Variants in GRIA1 observed in about 807,000 individuals in gnomAD.
GRIA1 encodes glutamate ionotropic receptor AMPA type subunit 1.
Under a neutral mutation model 99.2 loss-of-function variants are expected in GRIA1, and 31 were observed. The observed-to-expected ratio is 0.31, with a 90% confidence interval of 0.23 to 0.42. The LOEUF (loss-of-function observed/expected upper bound fraction) is 0.42, where lower values mean the gene tolerates loss of function less well. Among genes scored for constraint, GRIA1 ranks in the 10% least tolerant of loss-of-function variants. The probability of loss-of-function intolerance (pLI) is 1.00; values close to 1 mark genes in which losing one functional copy is unlikely to be tolerated. For missense variants in GRIA1, 782 were observed against 1,157.5 expected, an observed-to-expected ratio of 0.68 and a Z score of 4.71; for synonymous variants, 438 against 432.4, an observed-to-expected ratio of 1.01 and a Z score of -0.16.
intron 11 of GRIA1, among the ~76,000 whole-genome samples, chr5:153,709,890 G>A (rs1291423958): frequency 6.6e-6 from 1 of 152,192 alleles, no homozygotes; most frequent in Non-Finnish European, 1.5e-5. Flanking sequence ...AGAGTAGGCA[G>A]GGTAGGAATC....
At chr5:153,619,599 A>C (rs1766838113) in intron 2 of GRIA1, among the ~76,000 whole-genome samples, 1 of 152,138 alleles carries the variant, frequency 6.6e-6, no homozygotes, top group South Asian at 2.1e-4. Context: ...AAGGCTTATA[A>C]AGGCAGCAAG....
chr5:153,519,119 C>A (rs573723028), intron 2 of GRIA1, among the ~76,000 whole-genome samples: 1 of 152,050 alleles, frequency 6.6e-6, no homozygotes, highest in African/African-American at 2.4e-5. Flanking sequence ...AAAAAATTAG[C>A]CGGGCATGAT....
intron 11 of GRIA1, among the ~76,000 whole-genome samples, chr5:153,752,632 G>C (rs1442714379): frequency 1.3e-5 from 2 of 152,160 alleles, no homozygotes; most frequent in East Asian, 1.9e-4. Context: ...ATGGAAGGGA[G>C]AGACCATGGC....
chr5:153,646,686 G>T (rs75367250), intron 2 of GRIA1, among the ~76,000 whole-genome samples: 6,097 of 152,214 alleles, frequency 0.04, 135 homozygotes, highest in Middle Eastern at 0.088. Context: ...GATGAATGAG[G>T]CATCGAACAG....
intron 2 of GRIA1, among the ~76,000 whole-genome samples, chr5:153,629,134 G>T (rs1360937992): frequency 6.6e-6 from 1 of 152,218 alleles, no homozygotes; most frequent in Non-Finnish European, 1.5e-5. Flanking sequence ...GCCCTGGATG[G>T]TTTGCATGCC....
intron 13 of GRIA1, among the ~76,000 whole-genome samples, chr5:153,774,065 A>ACCCCC (rs1200579843): frequency 1.8e-5 from 1 of 54,888 alleles, no homozygotes; most frequent in African/African-American, 7.3e-5. Context: ...CTACACCCCA[A>ACCCCC]CCCCCCCTCC....
intron 11 of GRIA1, among the ~76,000 whole-genome samples, chr5:153,751,829 G>A (rs915100147): frequency 2.0e-5 from 3 of 152,160 alleles, no homozygotes; most frequent in Non-Finnish European, 4.4e-5. Flanking sequence ...GTTAACAAAA[G>A]GAAAAAAGAT....
chr5:153,728,746 G>A (rs1306326492), intron 11 of GRIA1, among the ~76,000 whole-genome samples: 1 of 100,352 alleles, frequency 1.0e-5, no homozygotes, highest in African/African-American at 4.2e-5. Flanking sequence ...AGGTGCTGGA[G>A]AGGATGTGGA....
At chr5:153,640,332 G>A (rs547504304) in intron 2 of GRIA1, among the ~76,000 whole-genome samples, 1 of 152,216 alleles carries the variant, frequency 6.6e-6, no homozygotes, top group Non-Finnish European at 1.5e-5. Context: ...GATGAAGAAA[G>A]TTCTTGTGAG....
At chr5:153,640,403 C>G (rs1328055386) in intron 2 of GRIA1, among the ~76,000 whole-genome samples, 1 of 152,258 alleles carries the variant, frequency 6.6e-6, no homozygotes, top group African/African-American at 2.4e-5. Context: ...AATGACCTAA[C>G]TTCTCCAGCC....
At chr5:153,682,197 G>T (rs1430292633) in intron 7 of GRIA1, among the ~76,000 whole-genome samples, 1 of 152,108 alleles carries the variant, frequency 6.6e-6, no homozygotes, top group Non-Finnish European at 1.5e-5. Context: ...ATGTGACCCA[G>T]CAAGGACCTA....
intron 11 of GRIA1, among the ~76,000 whole-genome samples, chr5:153,723,549 G>A (rs560531262): frequency 5.2e-4 from 79 of 152,324 alleles, no homozygotes; most frequent in South Asian, 2.7e-3. Flanking sequence ...CTAATACTGC[G>A]CTTTTCCAAT....
At chr5:153,659,746 T>A (rs1341480237) in intron 5 of GRIA1, among the ~76,000 whole-genome samples, 1 of 152,120 alleles carries the variant, frequency 6.6e-6, no homozygotes, top group Non-Finnish European at 1.5e-5. Context: ...ATACTGGTAT[T>A]TAGAATTTTA....
Position 153,584,484 on chromosome 5 carries a change from T to C in GRIA1, c.221-62444T>C, listed in dbSNP as rs555811813. Among the ~76,000 whole-genome samples, 4 of 152,312 alleles carry C rather than the reference T, an allele frequency of 2.6e-5. No homozygotes were observed. The South Asian group carries it at 8.3e-4, about 32-fold the overall frequency. On this transcript the variant is annotated intron_variant, in intron 2 of 15. Coordinates refer to ENST00000285900, the MANE Select transcript of GRIA1 (RefSeq NM_000827.4). The stretch of plus-strand genomic sequence containing the variant: ...TCTGCACAATCTGTTGATCCCCGTC[T>C]CAACTGGCTCCCTCACAGCAGATGC...
intron 2 of GRIA1, among the ~76,000 whole-genome samples, chr5:153,611,302 C>T (rs1379255504): frequency 6.6e-6 from 1 of 152,198 alleles, no homozygotes; most frequent in Non-Finnish European, 1.5e-5. Context: ...GGAATATTTA[C>T]ACCATGGAAA....
At chr5:153,491,040 G>T (rs1198336227) in intron 1 of GRIA1, 70 bp downstream of exon 1, 26 of 1,356,280 alleles carry the variant, frequency 1.9e-5, no homozygotes, top group Non-Finnish European at 2.4e-5. Flanking sequence ...GATAGGGGTT[G>T]TGTACCCCCT....
rs536671447 is a variant in GRIA1 at position 153,808,468 on chromosome 5, T to C, written c.2521-2557T>C. Among the ~76,000 whole-genome samples the C allele has an allele frequency of 2.0e-5, 3 of 152,202 alleles. No homozygotes were observed. In the South Asian group the frequency reaches 6.2e-4, roughly 31 times the overall value. On this transcript the variant is annotated intron_variant, in intron 15 of 15. Transcript: ENST00000285900. ...CACTAGGTCACATATAACTGTTACC[T>C]TAAACAAGTCAGTCATTGTCATCAG...
intron 5 of GRIA1, among the ~76,000 whole-genome samples, chr5:153,661,568 G>A (rs1192425109): frequency 1.3e-5 from 2 of 152,070 alleles, no homozygotes; most frequent in African/African-American, 4.8e-5. Context: ...TTATCTACAA[G>A]CTCCTAGAGG....
intron 2 of GRIA1, among the ~76,000 whole-genome samples, chr5:153,613,058 A>T (rs965785776): frequency 1.1e-4 from 17 of 152,332 alleles, no homozygotes; most frequent in African/African-American, 3.8e-4. Flanking sequence ...GGAAGGCTGG[A>T]ACCAATTGGT....
Sources: allele counts gnomAD v4.1 joint callset (sites outside exome capture counted in the v4.1 genomes callset), GRCh38; gene constraint gnomAD v4.1.1; transcripts MANE v1.5; gene names NCBI Gene and HGNC (gene_info 2026-07-23, HGNC 2026-07-21).